The following PRELID2 variants were observed in gnomAD, a reference collection of about 807,000 sequenced individuals.
PRELID2 encodes the protein PRELI domain-containing protein 2.
PRELID2 carries 25 observed loss-of-function variants against 28.4 expected under a neutral mutation model. That is an observed-to-expected ratio of 0.88 (90% CI 0.64 to 1.23). The LOEUF (loss-of-function observed/expected upper bound fraction) is 1.23, where lower values mean the gene tolerates loss of function less well. PRELID2 is among the 50% of genes most tolerant of loss of function. The pLI is 0.00. For synonymous variants in PRELID2, 76 were observed against 71.6 expected (o/e 1.06, Z -0.31); for missense variants, 201 against 214.4 (o/e 0.94, Z 0.39).
At chr5:145,517,909 C>T (rs1301842228) in intron 1 of PRELID2, among the ~76,000 whole-genome samples, 2 of 152,026 alleles carry the variant, frequency 1.3e-5, no homozygotes, top group African/African-American at 4.8e-5. Context: ...CCAAACATTG[C>T]ATGTTCTCAC....
At chr5:145,403,384 A>C in the PRELID2 span, among the ~76,000 whole-genome samples, 1 of 152,152 alleles carries the variant, frequency 6.6e-6, no homozygotes, top group South Asian at 2.1e-4. Context: ...TATTAAAAAT[A>C]ATTAAAAATT....
At chr5:145,260,757 T>C in the PRELID2 span, among the ~76,000 whole-genome samples, 3 of 152,210 alleles carry the variant, frequency 2.0e-5, no homozygotes, top group African/African-American at 4.8e-5. Context: ...ACTCACACCA[T>C]GAACTTTTGC....
intron 1 of PRELID2, among the ~76,000 whole-genome samples, chr5:145,737,915 CAGA>C (rs1756543745): frequency 6.6e-6 from 1 of 152,184 alleles, no homozygotes. Context: ...CCCCACCTGG[CAGA>C]AGGAGATACC....
At chr5:145,287,113 G>C in the PRELID2 span, among the ~76,000 whole-genome samples, 2 of 152,052 alleles carry the variant, frequency 1.3e-5, no homozygotes, top group Admixed American at 6.6e-5. Flanking sequence ...GTGATCTCCT[G>C]TTATCCATTG....
At chr5:145,248,235 G>A in the PRELID2 span, among the ~76,000 whole-genome samples, 1 of 151,938 alleles carries the variant, frequency 6.6e-6, no homozygotes, top group Non-Finnish European at 1.5e-5. Context: ...CCTCGTATAT[G>A]TATGGGGGAA....
At chr5:145,358,951 A>G in the PRELID2 span, among the ~76,000 whole-genome samples, 1 of 152,286 alleles carries the variant, frequency 6.6e-6, no homozygotes, top group East Asian at 1.9e-4. Flanking sequence ...AAGGTCATCC[A>G]CTCAATCCAA....
intron 1 of PRELID2, among the ~76,000 whole-genome samples, chr5:145,586,159 A>G (rs186031249): frequency 1.7e-3 from 265 of 152,228 alleles, no homozygotes; most frequent in African/African-American, 6.0e-3. Flanking sequence ...CAGAAGCCAA[A>G]TTGACAGTGC....
intron 1 of PRELID2, among the ~76,000 whole-genome samples, chr5:145,827,884 T>G (rs534467545): frequency 9.8e-5 from 15 of 152,296 alleles, no homozygotes; most frequent in Admixed American, 7.8e-4. Context: ...AGTGGACAAT[T>G]GACAAAATCT....
At chr5:145,287,801 A>G in the PRELID2 span, among the ~76,000 whole-genome samples, 9 of 152,066 alleles carry the variant, frequency 5.9e-5, no homozygotes, top group Non-Finnish European at 1.2e-4. Context: ...TTTCTGTTCT[A>G]AGATCCCACC....
intron 5 of PRELID2, chr5:145,795,837 G>A (rs1752708044): frequency 2.0e-5 from 3 of 152,106 alleles, no homozygotes; most frequent in African/African-American, 7.2e-5. Flanking sequence ...ATACCATAGA[G>A]GACAGATTAA....
the PRELID2 span, among the ~76,000 whole-genome samples, chr5:145,394,491 G>A: frequency 6.6e-6 from 1 of 151,660 alleles, no homozygotes; most frequent in Non-Finnish European, 1.5e-5. Flanking sequence ...TAAATGACAA[G>A]TTAATGGGTG....
chr5:145,806,439 G>A (rs527519533), intron 4 of PRELID2, among the ~76,000 whole-genome samples: 1 of 152,134 alleles, frequency 6.6e-6, no homozygotes, highest in South Asian at 2.1e-4. Flanking sequence ...AGTCTTCAGG[G>A]GCAATAACAC....
chr5:145,500,809 T>G (rs981267128), intron 1 of PRELID2, among the ~76,000 whole-genome samples: 1 of 152,138 alleles, frequency 6.6e-6, no homozygotes, highest in African/African-American at 2.4e-5. Context: ...AGCTATCAGG[T>G]GAGACTAATT....
the PRELID2 span, among the ~76,000 whole-genome samples, chr5:145,270,649 C>A: frequency 6.6e-6 from 1 of 151,996 alleles, no homozygotes; most frequent in East Asian, 1.9e-4. Flanking sequence ...TTAATATTTT[C>A]TTGTAAACTG....
At chr5:145,416,132 GT>G in the PRELID2 span, among the ~76,000 whole-genome samples, 1 of 151,914 alleles carries the variant, frequency 6.6e-6, no homozygotes, top group East Asian at 1.9e-4. Flanking sequence ...GGGGTTGTTT[GT>G]TTTTTTCTTG....
At chr5:145,427,216 G>A in the PRELID2 span, among the ~76,000 whole-genome samples, 42 of 152,318 alleles carry the variant, frequency 2.8e-4, no homozygotes, top group African/African-American at 1.0e-3. Flanking sequence ...ATATTGTTTT[G>A]CAAGAAAATC....
intron 1 of PRELID2, among the ~76,000 whole-genome samples, chr5:145,481,025 TA>T (rs1385266996): frequency 1.3e-5 from 2 of 152,202 alleles, no homozygotes. Flanking sequence ...TAAATTTTTA[TA>T]GTCAGCCTCT....
chr5:145,235,280 C>T, the PRELID2 span, among the ~76,000 whole-genome samples: 1 of 152,186 alleles, frequency 6.6e-6, no homozygotes, highest in African/African-American at 2.4e-5. Context: ...TGACAGAGCC[C>T]CTCAATCCTG....
chr5:145,713,611 T>C (rs1055478584), intron 1 of PRELID2, among the ~76,000 whole-genome samples: 1 of 142,174 alleles, frequency 7.0e-6, no homozygotes, highest in Non-Finnish European at 1.5e-5. Flanking sequence ...ACATAAAATA[T>C]ATATAGTAAA....
Sources: gnomAD v4.1 joint callset for allele counts (sites outside exome capture counted in the v4.1 genomes callset) on GRCh38, gnomAD v4.1.1 for gene constraint, MANE v1.5 for transcripts, NCBI Gene and HGNC (gene_info 2026-07-23, HGNC 2026-07-21) for gene names.